The following PRMT7 variants were observed in gnomAD, a reference collection of about 807,000 sequenced individuals.
The protein encoded by PRMT7 is protein arginine N-methyltransferase 7.
PRMT7 carries 75 observed loss-of-function variants against 85.4 expected under a neutral mutation model. The observed-to-expected ratio is 0.88, with a 90% CI of 0.73 to 1.06. The LOEUF (loss-of-function observed/expected upper bound fraction) is 1.06, where lower values mean the gene tolerates loss of function less well. PRMT7 is among the 50% of genes least tolerant of loss of function. PRMT7 has a pLI of 0.00. For synonymous variants in PRMT7, 397 were observed against 359.5 expected (o/e 1.10, Z -1.18); for missense variants, 868 against 915.2 (o/e 0.95, Z 0.67).
chr16:68,339,418 G>A lies in PRMT7; in HGVS notation c.601G>A (p.Val201Met), dbSNP rs773644503. ...WSWNKLFPIH[V>M]QTSLGEQVIV... ...GTGGAACAAGCTATTTCCCATCCAC[G>A]TGCAGACCAGCCTCGGAGAGCAGGT... is the stretch of plus-strand genomic sequence containing the variant. Residue 201 changes from valine to methionine, a missense_variant, in exon 8 of 19, where the codon GTG becomes ATG. Val to Met is a conservative substitution (Grantham distance 21). Transcript: ENST00000441236. 3.7e-6 allele frequency: 6 copies of A among 1,614,060 alleles called. No individual in the cohort carries two copies. Among genetic ancestry groups the A allele is most frequent in the South Asian group, 3.3e-5 (3 of 91,086 alleles).
At position 68,311,089 on chromosome 16, in the gene PRMT7, T is replaced by TA; in HGVS notation, c.-229_-228insA. Reference sequence around the variant, plus strand: ...TAGCAGCGGAGGCGAGCGGAGGGTTTCCCGCGGCGGGTGAGGCGCTGGGTA... The same window carrying TA: ...TAGCAGCGGAGGCGAGCGGAGGGTTTACCCGCGGCGGGTGAGGCGCTGGGTA... On this transcript the variant is annotated 5_prime_UTR_variant, in exon 1 of 19. Transcript: ENST00000441236. The TA allele has an allele frequency of 1.4e-6, 1 of 737,796 alleles. No individual in the cohort carries two copies. Among genetic ancestry groups the TA allele is most frequent in the Non-Finnish European group, 2.4e-6 (1 of 420,878 alleles). 45.7% of individuals were successfully genotyped at this position (737,796 alleles called of 1,614,324 possible).
intron 14 of PRMT7, among the ~76,000 whole-genome samples, chr16:68,349,887 C>G (rs2087020783): frequency 6.6e-6 from 1 of 152,046 alleles, no homozygotes; most frequent in Non-Finnish European, 1.5e-5. Context: ...AGAGTGATAC[C>G]TTGTCTCTAA....
At chr16:68,337,099 G>T (rs2084806239) in intron 6 of PRMT7, among the ~76,000 whole-genome samples, 4 of 152,094 alleles carry the variant, frequency 2.6e-5, no homozygotes, top group Admixed American at 2.6e-4. Flanking sequence ...TGTTTCCCAG[G>T]CTGATCTCAA....
Position 68,352,232 on chromosome 16 carries a change from C to G in PRMT7, c.1414-16C>G. 6.2e-7 allele frequency: 1 copy of G among 1,611,634 alleles called. No individual in the cohort carries two copies. On this transcript the variant is annotated splice_polypyrimidine_tract_variant and intron_variant, in intron 14 of 18. Transcript: ENST00000441236. ...CCCTACTGACACCTGGGCCCTGCTT[C>G]TCGCCCATTCACCAGGTCTCTCTCC...
intron 16 of PRMT7, 137 bp downstream of exon 16, chr16:68,353,703 A>G (rs1384344127): frequency 6.9e-6 from 5 of 720,768 alleles, no homozygotes; most frequent in Non-Finnish European, 1.1e-5. Context: ...GTGTGGTTCA[A>G]CATGAGCATT....
chr16:68,347,381 G>A, intron 12 of PRMT7, 87 bp downstream of exon 12: 1 of 1,365,980 alleles, frequency 7.3e-7, no homozygotes, highest in Non-Finnish European at 9.9e-7. Flanking sequence ...CTGTGATCAA[G>A]GCTCTTTGCA....
intron 6 of PRMT7, among the ~76,000 whole-genome samples, chr16:68,335,587 CTTTT>C (rs879500343): frequency 7.0e-6 from 1 of 143,748 alleles, no homozygotes; most frequent in East Asian, 2.0e-4. Flanking sequence ...AGGAAGTGTG[CTTTT>C]TTTTTTTTAT....
chr16:68,347,198 C>G lies in PRMT7; in HGVS notation c.1192-13C>G, dbSNP rs2086545306. 1.3e-6 allele frequency: 2 copies of G among 1,550,976 alleles called. No homozygotes were observed. The highest frequency in any genetic ancestry group is 1.7e-6 in the Non-Finnish European group (2 of 1,146,608). ...GGAGGAAGCCCTGTGCTGAGCTTGCCTGTTCCCCGCAGGTGCTGAAGCCAG... is the reference window on the plus strand; with the variant it reads ...GGAGGAAGCCCTGTGCTGAGCTTGCGTGTTCCCCGCAGGTGCTGAAGCCAG... On this transcript the variant is annotated splice_polypyrimidine_tract_variant and intron_variant, in intron 11 of 18. Coordinates refer to ENST00000441236, the MANE Select transcript of PRMT7 (RefSeq NM_019023.5).
intron 6 of PRMT7, among the ~76,000 whole-genome samples, chr16:68,336,737 TTTTG>T (rs549201154): frequency 4.2e-4 from 64 of 152,334 alleles, no homozygotes; most frequent in Admixed American, 1.5e-3. Context: ...TGTGTGTTTT[TTTTG>T]TTTGTTTGAG....
At chr16:68,356,948 C>A in intron 18 of PRMT7, 106 bp from the exon 19 acceptor site, 1 of 1,412,102 alleles carries the variant, frequency 7.1e-7, no homozygotes, top group Non-Finnish European at 9.6e-7. Context: ...CCATCTGGCC[C>A]CTGAGCAGCT....
intron 6 of PRMT7, among the ~76,000 whole-genome samples, chr16:68,334,892 G>A (rs1338127538): frequency 6.6e-6 from 1 of 152,000 alleles, no homozygotes; most frequent in African/African-American, 2.4e-5. Flanking sequence ...TGCCTCCCGG[G>A]TTCAGGCAAT....
At chr16:68,327,811 C>T (rs775363355) in intron 5 of PRMT7, among the ~76,000 whole-genome samples, 1 of 151,230 alleles carries the variant, frequency 6.6e-6, no homozygotes, top group Non-Finnish European at 1.5e-5. Context: ...TGGTGATCTA[C>T]GCCTGTAGTC....
At chr16:68,343,634 A>G (rs916751793) in intron 9 of PRMT7, among the ~76,000 whole-genome samples, 1 of 152,162 alleles carries the variant, frequency 6.6e-6, no homozygotes, top group Non-Finnish European at 1.5e-5. Context: ...ATGGGAGCCT[A>G]GGAGGGGTCG....
intron 9 of PRMT7, among the ~76,000 whole-genome samples, chr16:68,340,785 G>T (rs150034284): frequency 3.9e-4 from 60 of 152,316 alleles, no homozygotes; most frequent in Non-Finnish European, 6.9e-4. Flanking sequence ...CGTCTGTGCA[G>T]AATAGATGTG....
At chr16:68,317,238 A>AG (rs71909488) in intron 3 of PRMT7, among the ~76,000 whole-genome samples, 5 of 9,554 alleles carry the variant, frequency 5.2e-4, no homozygotes, top group African/African-American at 2.9e-3. Context: ...ACTCTGTCTC[A>AG]AAAAAAAAAA....
intron 7 of PRMT7, among the ~76,000 whole-genome samples, chr16:68,337,977 G>T (rs1193062357): frequency 2.0e-5 from 3 of 152,124 alleles, no homozygotes; most frequent in Non-Finnish European, 2.9e-5. Flanking sequence ...TGTGCTGTGT[G>T]GGAGGCAGGA....
intron 6 of PRMT7, among the ~76,000 whole-genome samples, chr16:68,332,782 A>G (rs934151840): frequency 2.0e-5 from 3 of 152,016 alleles, no homozygotes; most frequent in African/African-American, 4.8e-5. Flanking sequence ...CTCTTACCCT[A>G]TACTGTGGTC....
In PRMT7 at chr16:68,347,687, G is replaced by A. The variant is rs1481345123; in HGVS notation, c.1323+9G>A. ...ACAAACTGTTGAGAAAAGTAAGTGA[G>A]AATTGTTGTTGCTGAAATAGTGAGA... On this transcript the variant is annotated intron_variant, in intron 13 of 18. Transcript: ENST00000441236. The A allele has an allele frequency of 1.2e-6, 2 of 1,613,452 alleles. No individual in the cohort carries two copies. Among genetic ancestry groups the A allele is most frequent in the Admixed American group, 3.3e-5 (2 of 60,018 alleles).
intron 5 of PRMT7, among the ~76,000 whole-genome samples, chr16:68,327,922 CCCTT>C (rs1193725384): frequency 1.1e-4 from 3 of 28,448 alleles, no homozygotes; most frequent in South Asian, 1.7e-3. Flanking sequence ...TAGAGTGAGA[CCCTT>C]CTCAAAAAAA....
Sources: gnomAD v4.1 joint callset for allele counts (sites outside exome capture counted in the v4.1 genomes callset) on GRCh38, gnomAD v4.1.1 for gene constraint, MANE v1.5 for transcripts, NCBI Gene and HGNC (gene_info 2026-07-23, HGNC 2026-07-21) for gene names.